The following KIF4A variants were observed in gnomAD, a reference collection of about 807,000 sequenced individuals.
KIF4A encodes chromosome-associated kinesin KIF4A.
KIF4A carries 7 observed loss-of-function variants against 105.9 expected under a neutral mutation model. The ratio of observed to expected loss-of-function variants is 0.07; its 90% CI spans 0.04 to 0.12. The LOEUF is 0.12. KIF4A is among the 10% of genes least tolerant of loss of function. The pLI, the probability that KIF4A is intolerant of heterozygous loss-of-function variation, is 1.00. For missense variants in KIF4A, 558 were observed against 929.2 expected (o/e 0.60, Z 5.19); for synonymous variants, 281 against 331.3 (o/e 0.85, Z 1.65).
intron 2 of KIF4A, 54 bp downstream of exon 2, chrX:70,290,632 G>C: frequency 8.3e-7 from 1 of 1,206,465 alleles, no homozygotes; most frequent in South Asian, 1.8e-5. Flanking sequence ...AAATGGTAAC[G>C]AGGGGTGTGG....
At chrX:70,356,062 T>G (rs2147707061) in intron 15 of KIF4A, among the ~76,000 whole-genome samples, 1 of 111,394 alleles carries the variant, frequency 9.0e-6, no homozygotes, top group Admixed American at 9.5e-5. Flanking sequence ...GGCAGATCAC[T>G]TGAGCCCAGG....
chrX:70,380,133 G>T (rs2086191660), intron 18 of KIF4A, among the ~76,000 whole-genome samples: 1 of 111,227 alleles, frequency 9.0e-6, no homozygotes, highest in African/African-American at 3.3e-5. Context: ...GCGAAACCCT[G>T]TCTCTACTGA....
At chrX:70,356,929 A>T (rs1367380381) in intron 15 of KIF4A, among the ~76,000 whole-genome samples, 1 of 112,169 alleles carries the variant, frequency 8.9e-6, no homozygotes, top group African/African-American at 3.2e-5. Context: ...ATATAGTATG[A>T]TTGCATTTCC....
chrX:70,396,097 C>A, intron 22 of KIF4A, 48 bp downstream of exon 22: 1 of 917,575 alleles, frequency 1.1e-6, no homozygotes. Context: ...TGCCTGGAAT[C>A]AAAAATTGAA....
chrX:70,333,514 A>G, intron 9 of KIF4A, 114 bp from the exon 10 acceptor site: 1 of 528,358 alleles, frequency 1.9e-6, no homozygotes, highest in Non-Finnish European at 3.4e-6. Flanking sequence ...TCTGCCTTAG[A>G]TTTCATAGAC....
At chrX:70,324,895 C>T (rs1025207843) in intron 7 of KIF4A, among the ~76,000 whole-genome samples, 1 of 111,463 alleles carries the variant, frequency 9.0e-6, no homozygotes, top group Admixed American at 9.5e-5. Flanking sequence ...CATCCTCGCA[C>T]CTCAGCCTCC....
intron 20 of KIF4A, among the ~76,000 whole-genome samples, chrX:70,393,721 T>G (rs1052041331): frequency 2.7e-5 from 3 of 109,995 alleles, no homozygotes; most frequent in Admixed American, 9.8e-5. Flanking sequence ...GTATGTTGTT[T>G]TTTTTTTTGT....
intron 10 of KIF4A, among the ~76,000 whole-genome samples, chrX:70,337,340 A>C: frequency 9.0e-6 from 1 of 111,437 alleles, no homozygotes; most frequent in Non-Finnish European, 1.9e-5. Context: ...CAGCCTGTGC[A>C]ACATAGTAAT....
At chrX:70,384,919 C>T (rs1173574755) in intron 18 of KIF4A, among the ~76,000 whole-genome samples, 1 of 107,774 alleles carries the variant, frequency 9.3e-6, no homozygotes, top group Non-Finnish European at 1.9e-5. Context: ...TGGGTTCAAG[C>T]CTCCTGAGTA....
chrX:70,408,379 A>G (rs2086308744), intron 28 of KIF4A, among the ~76,000 whole-genome samples: 1 of 112,071 alleles, frequency 8.9e-6, no homozygotes, highest in African/African-American at 3.2e-5. Flanking sequence ...AGTTAAGGCT[A>G]CTTAGGAACA....
intron 18 of KIF4A, among the ~76,000 whole-genome samples, chrX:70,379,181 A>T (rs2086187299): frequency 9.0e-6 from 1 of 110,835 alleles, no homozygotes; most frequent in African/African-American, 3.3e-5. Context: ...AAGAAAAGAA[A>T]AAAGAAAAAA....
intron 13 of KIF4A, among the ~76,000 whole-genome samples, chrX:70,349,855 A>G (rs1161823941): frequency 9.4e-4 from 25 of 26,506 alleles, no homozygotes; most frequent in Admixed American, 1.7e-3. Context: ...ACGGGGTGGC[A>G]GCCGGGCAGA....
At chrX:70,332,062 A>G (rs2085932998) in intron 9 of KIF4A, among the ~76,000 whole-genome samples, 1 of 112,328 alleles carries the variant, frequency 8.9e-6, no homozygotes. Flanking sequence ...TGAGGATACC[A>G]GACAACTAAG....
rs758991762 is a variant in KIF4A at position 70,400,765 on chromosome X, T to G, written c.2490-1801T>G. Among the ~76,000 whole-genome samples the G allele has an allele frequency of 8.2e-5, 9 of 109,950 alleles. No homozygotes were observed. The South Asian group carries it at 1.5e-3, about 19-fold the overall frequency. Reference sequence around the variant, plus strand: ...TATGTAATGTATAATAGGTTTATGTTTTTTTTTTGTTTTTGTTTTTTTGAC... The same window carrying G: ...TATGTAATGTATAATAGGTTTATGTGTTTTTTTTGTTTTTGTTTTTTTGAC... On this transcript the variant is annotated intron_variant, in intron 22 of 30. Coordinates refer to ENST00000374403, the MANE Select transcript of KIF4A (RefSeq NM_012310.5).
At chrX:70,305,187 T>C (rs181172289) in intron 7 of KIF4A, among the ~76,000 whole-genome samples, 4 of 111,707 alleles carry the variant, frequency 3.6e-5, no homozygotes, top group East Asian at 5.6e-4. Context: ...GATATAATTA[T>C]ATAATTAACA....
chrX:70,389,085 A>G (rs1602796130), intron 20 of KIF4A, among the ~76,000 whole-genome samples: 1 of 110,736 alleles, frequency 9.0e-6, no homozygotes, highest in East Asian at 2.8e-4. Flanking sequence ...TCCTGTCTCT[A>G]CAAAACAAAA....
At chrX:70,350,215 G>A (rs1435796685) in intron 13 of KIF4A, among the ~76,000 whole-genome samples, 1 of 111,406 alleles carries the variant, frequency 9.0e-6, no homozygotes, top group African/African-American at 3.3e-5. Flanking sequence ...TTGAGTGAGC[G>A]AGACTCCGTC....
Position 70,417,876 on chromosome X carries a change from C to T in KIF4A, c.3256-12C>T, listed in dbSNP as rs767499738. The T allele has an allele frequency of 5.0e-5, 59 of 1,183,270 alleles. No individual in the cohort carries two copies. The South Asian group carries it at 1.1e-3, about 21-fold the overall frequency. ...TTTCAGTAATGTGTCTTTCTGCAAACCTGTTTTGCAGTGTTCCTGCAAGGG... is the reference window on the plus strand; with the variant it reads ...TTTCAGTAATGTGTCTTTCTGCAAATCTGTTTTGCAGTGTTCCTGCAAGGG... On this transcript the variant is annotated splice_polypyrimidine_tract_variant and intron_variant, in intron 28 of 30. Transcript: ENST00000374403.
Position 70,349,440 on chromosome X carries a change from C to A in KIF4A, c.1432-3160C>A, listed in dbSNP as rs367876791. ...CCCAGATGGGGCGGCCGGGCAGAGG[C>A]GCTCCCCACTTCCCTGACGGGGCGG... On this transcript the variant is annotated intron_variant, in intron 13 of 30. Transcript: ENST00000374403. Among the ~76,000 whole-genome samples the A allele has an allele frequency of 2.5e-3, 235 of 92,197 alleles. 3 individuals are homozygous for A. The highest frequency in any genetic ancestry group is 9.5e-3 in the African/African-American group (225 of 23,774). The allele number at this position is 92,197 out of a possible 115,157, so 80.1% of individuals were successfully genotyped here.
Sources: gnomAD v4.1 joint callset for allele counts (sites outside exome capture counted in the v4.1 genomes callset) on GRCh38, gnomAD v4.1.1 for gene constraint, MANE v1.5 for transcripts, NCBI Gene and HGNC (gene_info 2026-07-23, HGNC 2026-07-21) for gene names.